The following MCF2L2 variants were observed in gnomAD, a reference collection of about 807,000 sequenced individuals.
The protein encoded by MCF2L2 is probable guanine nucleotide exchange factor MCF2L2.
Under a neutral mutation model 150.2 loss-of-function variants are expected in MCF2L2, and 102 were observed. The ratio of observed to expected loss-of-function variants is 0.68; its 90% CI spans 0.58 to 0.80. MCF2L2 has a LOEUF of 0.80. MCF2L2 is among the 30% of genes least tolerant of loss of function. The pLI, the probability that MCF2L2 is intolerant of heterozygous loss-of-function variation, is 0.00. For missense variants in MCF2L2, 1,256 were observed against 1,372.8 expected (o/e 0.91, Z 1.34); for synonymous variants, 465 against 491.3 (o/e 0.95, Z 0.71).
intron 2 of MCF2L2, among the ~76,000 whole-genome samples, chr3:183,388,066 C>G (rs903750400): frequency 6.6e-6 from 1 of 151,830 alleles, no homozygotes; most frequent in African/African-American, 2.4e-5. Flanking sequence ...CTGGAGCTGT[C>G]TGATACCAGT....
At chr3:183,355,458 T>G (rs1178837465) in intron 3 of MCF2L2, among the ~76,000 whole-genome samples, 1 of 151,734 alleles carries the variant, frequency 6.6e-6, no homozygotes, top group African/African-American at 2.4e-5. Flanking sequence ...TTCCTTTTTT[T>G]TTTTTTTGAG....
At chr3:183,321,414 G>A (rs1393497031) in intron 6 of MCF2L2, among the ~76,000 whole-genome samples, 1 of 146,786 alleles carries the variant, frequency 6.8e-6, no homozygotes, top group Non-Finnish European at 1.5e-5. Flanking sequence ...CTCCAGTCTG[G>A]GTGATAGAGC....
At chr3:183,180,346 C>T in intron 27 of MCF2L2, 187 bp from the exon 28 acceptor site, 2 of 516,200 alleles carry the variant, frequency 3.9e-6, no homozygotes, top group Non-Finnish European at 6.9e-6. Context: ...GCTTTTCCAG[C>T]GCCGAGATGC....
intron 1 of MCF2L2, among the ~76,000 whole-genome samples, chr3:183,402,858 T>C (rs181464781): frequency 0.018 from 2,633 of 147,570 alleles, 73 homozygotes; most frequent in African/African-American, 0.067. Flanking sequence ...CCTCATATCA[T>C]AGACAAAAAA....
chr3:183,269,727 G>A (rs3811732), intron 15 of MCF2L2: 427,712 of 1,382,658 alleles, frequency 0.31, 69,160 homozygotes, highest in Non-Finnish European at 0.33. Context: ...TACGAAACAC[G>A]AAGTTCTATG....
At chr3:183,308,322 T>C (rs974610538) in intron 10 of MCF2L2, among the ~76,000 whole-genome samples, 12 of 152,068 alleles carry the variant, frequency 7.9e-5, no homozygotes, top group African/African-American at 2.7e-4. Flanking sequence ...TCTTAATATA[T>C]GAATAAGCAA....
At chr3:183,385,623 T>A (rs1713786690) in intron 2 of MCF2L2, among the ~76,000 whole-genome samples, 1 of 152,170 alleles carries the variant, frequency 6.6e-6, no homozygotes, top group South Asian at 2.1e-4. Context: ...TTCACAATAA[T>A]TCCAAGTGGG....
At chr3:183,182,134 C>G (rs111902461) in intron 27 of MCF2L2, among the ~76,000 whole-genome samples, 2,092 of 152,248 alleles carry the variant, frequency 0.014, 50 homozygotes, top group African/African-American at 0.048. Flanking sequence ...AAACAGTCAA[C>G]TGTTTCCTCT....
chr3:183,311,384 G>A (rs1009411048), intron 8 of MCF2L2, among the ~76,000 whole-genome samples: 23 of 152,276 alleles, frequency 1.5e-4, no homozygotes, highest in Middle Eastern at 3.4e-3. Flanking sequence ...ATGAAGCCCA[G>A]TAAATACTAC....
chr3:183,180,164 G>C lies in MCF2L2; in HGVS notation c.3017-5C>G. The C allele has an allele frequency of 6.3e-7, 1 of 1,593,974 alleles. No individual in the cohort carries two copies. Among genetic ancestry groups the C allele is most frequent in the Non-Finnish European group, 8.6e-7 (1 of 1,162,258 alleles). ...TAAACTCCCTGCTGGAGCAGCCTTAGGGAGAGAAAGGGAAGGATGGGGCCT... is the reference window on the plus strand; with the variant it reads ...TAAACTCCCTGCTGGAGCAGCCTTACGGAGAGAAAGGGAAGGATGGGGCCT... On this transcript the variant is annotated splice_region_variant and splice_polypyrimidine_tract_variant and intron_variant, in intron 27 of 29. Transcript: ENST00000328913.
chr3:183,424,853 G>C (rs994604980), intron 1 of MCF2L2, among the ~76,000 whole-genome samples: 2 of 152,122 alleles, frequency 1.3e-5, no homozygotes. Flanking sequence ...GGTGAGAAAA[G>C]GTCTGGAAAA....
At chr3:183,196,650 A>T (rs942837514) in intron 25 of MCF2L2, among the ~76,000 whole-genome samples, 2 of 152,126 alleles carry the variant, frequency 1.3e-5, no homozygotes, top group Non-Finnish European at 2.9e-5. Context: ...ACTCACAGAG[A>T]CATTTCATCA....
At position 183,380,975 on chromosome 3, in the gene MCF2L2, C is replaced by A. The variant is rs142461090; in HGVS notation, c.161-1564G>T. 4.6e-3 allele frequency among the ~76,000 whole-genome samples: 697 copies of A among 152,026 alleles called. 6 individuals are homozygous for A. Among genetic ancestry groups the A allele is most frequent in the African/African-American group, 0.015 (620 of 41,474 alleles). ...CTACTAAGTTGTTAGGACATAGATA[C>A]ATATTAAGTTGTTTGACATGTTAGT... On this transcript the variant is annotated intron_variant, in intron 2 of 29. Transcript: ENST00000328913.
At chr3:183,278,764 A>G (rs754680158) in intron 14 of MCF2L2, among the ~76,000 whole-genome samples, 1 of 152,234 alleles carries the variant, frequency 6.6e-6, no homozygotes, top group Non-Finnish European at 1.5e-5. Flanking sequence ...GTCTTATTTC[A>G]TAATAACCTA....
In MCF2L2 at chr3:183,223,338, G is replaced by T. The variant is rs763898521; in HGVS notation, c.2301+8C>A. ...CACCAAGGAAAAGCACTGTCTCATT[G>T]ATTTTACCTTCAACAGCATCTGGTA... On this transcript the variant is annotated splice_region_variant and intron_variant, in intron 20 of 29. Transcript: ENST00000328913. 1 of 1,606,630 alleles carries T rather than the reference G, an allele frequency of 6.2e-7. No homozygotes were observed. Among genetic ancestry groups the T allele is most frequent in the Non-Finnish European group, 8.5e-7 (1 of 1,173,142 alleles).
intron 1 of MCF2L2, among the ~76,000 whole-genome samples, chr3:183,412,551 G>A (rs796992818): frequency 1.6e-4 from 24 of 151,788 alleles, no homozygotes; most frequent in African/African-American, 5.1e-4. Flanking sequence ...CACCCACCTC[G>A]GCCTCCCAAA....
chr3:183,269,991 A>G, intron 15 of MCF2L2: 1 of 1,614,182 alleles, frequency 6.2e-7, no homozygotes, highest in Non-Finnish European at 8.5e-7. Context: ...CCTGTCTCTT[A>G]AGCACACCTC....
intron 7 of MCF2L2, among the ~76,000 whole-genome samples, chr3:183,312,442 T>G (rs1729420976): frequency 6.6e-6 from 1 of 152,192 alleles, no homozygotes; most frequent in African/African-American, 2.4e-5. Context: ...AGGTCATCAT[T>G]CGTTGCCCTG....
At chr3:183,266,797 T>C (rs1726177532) in intron 15 of MCF2L2, among the ~76,000 whole-genome samples, 3 of 152,054 alleles carry the variant, frequency 2.0e-5, no homozygotes, top group Admixed American at 2.0e-4. Flanking sequence ...AGTCTTTTTT[T>C]TTTTTTTGAG....
Sources: allele counts gnomAD v4.1 joint callset (sites outside exome capture counted in the v4.1 genomes callset), GRCh38; gene constraint gnomAD v4.1.1; transcripts MANE v1.5; gene names NCBI Gene and HGNC (gene_info 2026-07-23, HGNC 2026-07-21).